PAPPA: variants seen among roughly 807,000 people sequenced by gnomAD.
The protein encoded by PAPPA is pappalysin-1.
A neutral mutation model predicts 164.0 loss-of-function variants in PAPPA; 60 were observed. The observed-to-expected ratio is 0.37, with a 90% CI of 0.30 to 0.45. The LOEUF is 0.45. Among genes scored for constraint, PAPPA ranks in the 20% least tolerant of loss-of-function variants. The probability of loss-of-function intolerance (pLI) is 1.00; values close to 1 mark genes in which losing one functional copy is unlikely to be tolerated. For synonymous variants in PAPPA, 875 were observed against 814.1 expected (o/e 1.07, Z -1.27); for missense variants, 1,782 against 2,087.3 (o/e 0.85, Z 2.85).
chr9:116,371,386 C>T (rs1413932139), intron 19 of PAPPA, among the ~76,000 whole-genome samples: 1 of 152,122 alleles, frequency 6.6e-6, no homozygotes, highest in Non-Finnish European at 1.5e-5. Context: ...CACTGCATTC[C>T]AGCCTAGGCA....
At position 116,211,866 on chromosome 9, in the gene PAPPA, G is replaced by A; in HGVS notation, c.1852G>A (p.Gly618Arg). Reference protein sequence around the residue: ...KHKSCGDPGPGNDTCGFHSFF... With the variant: ...KHKSCGDPGPRNDTCGFHSFF... ...CAAGTCCTGTGGTGACCCAGGGCCA[G>A]GAAATGACACCTGTGGCTTTCATAG... Residue 618 changes from glycine to arginine, a missense_variant, in exon 4 of 22, where the codon GGA becomes AGA. Gly to Arg is a moderately radical substitution (Grantham distance 125). Around this residue, in one of 2 missense-constraint regions of PAPPA, gnomAD observed 1,324 missense variants for 1,656.9 expected, o/e 0.80. Coordinates refer to ENST00000328252, the MANE Select transcript of PAPPA (RefSeq NM_002581.5). The A allele has an allele frequency of 6.2e-7, 1 of 1,614,166 alleles. No individual in the cohort carries two copies. The highest frequency in any genetic ancestry group is 1.1e-5 in the South Asian group (1 of 91,084).
chr9:116,156,334 G>GTGTATATA (rs1554730866), intron 1 of PAPPA, among the ~76,000 whole-genome samples: 31 of 139,590 alleles, frequency 2.2e-4, no homozygotes, highest in African/African-American at 5.3e-4. Context: ...ATATATATGT[G>GTGTATATA]TATATATATA....
At chr9:116,163,600 C>G (rs1343454850) in intron 1 of PAPPA, among the ~76,000 whole-genome samples, 2 of 152,168 alleles carry the variant, frequency 1.3e-5, no homozygotes, top group Admixed American at 1.3e-4. Context: ...TAATCCTCAT[C>G]AAGGCTGTCC....
chr9:116,398,950 G>A lies in PAPPA; in HGVS notation c.*2334G>A. ...CTTGCCCTGAGTTATCAGCCTGTGT[G>A]GTGTTAACTACCTTAGAAGGTACAA... On this transcript the variant is annotated 3_prime_UTR_variant, in exon 22 of 22. Transcript: ENST00000328252. 3.1e-6 allele frequency: 1 copy of A among 319,594 alleles called. No individual in the cohort carries two copies. The highest frequency in any genetic ancestry group is 4.5e-5 in the Admixed American group (1 of 22,276). 19.8% of individuals were successfully genotyped at this position (319,594 alleles called of 1,614,324 possible).
intron 10 of PAPPA, among the ~76,000 whole-genome samples, chr9:116,305,691 T>C (rs1002553475): frequency 6.6e-6 from 1 of 152,162 alleles, no homozygotes; most frequent in African/African-American, 2.4e-5. Flanking sequence ...AGGAACACAG[T>C]GGCTTCACTA....
chr9:116,197,117 T>G (rs1333618210), intron 2 of PAPPA, among the ~76,000 whole-genome samples: 1 of 152,208 alleles, frequency 6.6e-6, no homozygotes, highest in African/African-American at 2.4e-5. Flanking sequence ...AGTATGACAC[T>G]TTTCTTCTCT....
At chr9:116,189,473 C>T (rs1170348452) in intron 2 of PAPPA, among the ~76,000 whole-genome samples, 1 of 152,146 alleles carries the variant, frequency 6.6e-6, no homozygotes, top group Non-Finnish European at 1.5e-5. Flanking sequence ...AGGGAGGACA[C>T]TCCAGGCAGA....
At chr9:116,214,062 G>A (rs1844342209) in intron 4 of PAPPA, among the ~76,000 whole-genome samples, 1 of 152,172 alleles carries the variant, frequency 6.6e-6, no homozygotes, top group Non-Finnish European at 1.5e-5. Context: ...GGTTTGTGGT[G>A]CAGCACTGCC....
Position 116,352,797 on chromosome 9 carries a change from G to A in PAPPA, c.4056G>A (p.Val1352=), listed in dbSNP as rs1254613782. 1.2e-6 allele frequency: 2 copies of A among 1,613,834 alleles called. No individual in the cohort carries two copies. The highest frequency in any genetic ancestry group is 1.7e-6 in the Non-Finnish European group (2 of 1,179,968). ...TCATGTGCCTCGCTCCACCCCCTGT[G>A]CCCAATGCAGACCTCCAGACCGCCC... The part of the protein sequence containing the change: ...CELMCLAPPP[V]PNADLQTARC... The change falls in exon 16 of 22, where the codon GTG becomes GTA. Residue 1352 remains valine, a synonymous_variant. Coordinates refer to ENST00000328252, the MANE Select transcript of PAPPA (RefSeq NM_002581.5).
intron 19 of PAPPA, among the ~76,000 whole-genome samples, chr9:116,369,680 G>T (rs1846547702): frequency 6.6e-6 from 1 of 152,008 alleles, no homozygotes; most frequent in Non-Finnish European, 1.5e-5. Flanking sequence ...GTGGGCCCTG[G>T]GCACTAAAGA....
intron 15 of PAPPA, among the ~76,000 whole-genome samples, chr9:116,350,411 C>T (rs1846266577): frequency 6.6e-6 from 1 of 152,132 alleles, no homozygotes; most frequent in Admixed American, 6.5e-5. Flanking sequence ...GGTGGGGGGA[C>T]ATATCCATGG....
chr9:116,234,610 T>C (rs1328890072), intron 6 of PAPPA, among the ~76,000 whole-genome samples: 2 of 152,316 alleles, frequency 1.3e-5, no homozygotes, highest in Admixed American at 6.5e-5. Flanking sequence ...TTTATTCTAC[T>C]GTCCCCTGCA....
chr9:116,159,601 T>C (rs932975868), intron 1 of PAPPA, among the ~76,000 whole-genome samples: 2 of 152,126 alleles, frequency 1.3e-5, no homozygotes, highest in African/African-American at 4.8e-5. Context: ...AGCAAGCACC[T>C]CCAGAAAAGG....
chr9:116,392,760 C>T (rs934926781), intron 21 of PAPPA, among the ~76,000 whole-genome samples: 1 of 152,194 alleles, frequency 6.6e-6, no homozygotes, highest in African/African-American at 2.4e-5. Flanking sequence ...TGGACTGGAC[C>T]TGACATGACT....
intron 14 of PAPPA, among the ~76,000 whole-genome samples, chr9:116,346,603 C>A (rs1846213214): frequency 6.6e-6 from 1 of 152,190 alleles, no homozygotes; most frequent in African/African-American, 2.4e-5. Flanking sequence ...CAAATCAACA[C>A]TTGATGTCCT....
chr9:116,380,492 G>C (rs1236947507), intron 20 of PAPPA, among the ~76,000 whole-genome samples: 1 of 152,026 alleles, frequency 6.6e-6, no homozygotes, highest in Non-Finnish European at 1.5e-5. Flanking sequence ...TTTATTCTAA[G>C]GAAGGGACAA....
chr9:116,237,290 G>A (rs1844679901), intron 7 of PAPPA, among the ~76,000 whole-genome samples: 1 of 152,184 alleles, frequency 6.6e-6, no homozygotes, highest in Non-Finnish European at 1.5e-5. Flanking sequence ...GTTTGTGTTT[G>A]AGAATGTACT....
At chr9:116,204,913 T>C (rs1221670279) in intron 2 of PAPPA, among the ~76,000 whole-genome samples, 1 of 152,060 alleles carries the variant, frequency 6.6e-6, no homozygotes. Flanking sequence ...AAAAATCCTT[T>C]CAAGGCATAG....
intron 4 of PAPPA, among the ~76,000 whole-genome samples, chr9:116,218,379 A>G (rs1844402041): frequency 6.6e-6 from 1 of 152,214 alleles, no homozygotes; most frequent in African/African-American, 2.4e-5. Flanking sequence ...GATTCCCAGT[A>G]GCAAGTTTAT....
Sources: allele counts gnomAD v4.1 joint callset (sites outside exome capture counted in the v4.1 genomes callset), GRCh38; gene constraint gnomAD v4.1.1; regional missense constraint gnomAD v4.1.1; transcripts MANE v1.5; gene names NCBI Gene and HGNC (gene_info 2026-07-23, HGNC 2026-07-21).